Variants in KRAS observed in about 807,000 individuals in gnomAD.
The protein encoded by KRAS is GTPase KRas.
A neutral mutation model predicts 21.0 loss-of-function variants in KRAS; 1 was observed. The ratio of observed to expected loss-of-function variants is 0.05; its 90% CI spans 0.02 to 0.23. The LOEUF (loss-of-function observed/expected upper bound fraction) is 0.23, where lower values mean the gene tolerates loss of function less well. KRAS is among the 10% of genes least tolerant of loss of function. The pLI is 1.00. For synonymous variants in KRAS, 67 were observed against 72.5 expected, an observed-to-expected ratio of 0.92 and a Z score of 0.39; for missense variants, 107 against 221.8, an observed-to-expected ratio of 0.48 and a Z score of 3.29.
chr12:25,228,145 G>GAGC (rs1951416777), intron 2 of KRAS, among the ~76,000 whole-genome samples: 1 of 150,296 alleles, frequency 6.7e-6, no homozygotes, highest in Non-Finnish European at 1.5e-5. Context: ...ATGCTCACTG[G>GAGC]AGCATTTGAT....
intron 2 of KRAS, among the ~76,000 whole-genome samples, chr12:25,242,262 C>A (rs1191907705): frequency 6.6e-6 from 1 of 152,124 alleles, no homozygotes; most frequent in Non-Finnish European, 1.5e-5. Context: ...TATATTTATT[C>A]TTACTAGCAT....
chr12:25,206,995 G>C lies in KRAS; in HGVS notation c.*2800C>G, dbSNP rs1411961293. The C allele has an allele frequency of 2.4e-5, 5 of 206,686 alleles. No homozygotes were observed. The highest frequency in any genetic ancestry group is 3.9e-5 in the Non-Finnish European group (4 of 101,310). 12.8% of individuals were successfully genotyped at this position (206,686 alleles called of 1,614,324 possible). On this transcript the variant is annotated 3_prime_UTR_variant, in exon 5 of 5. Transcript: ENST00000311936. Reference sequence around the variant, plus strand: ...TGAAGTGATTTACATAAAGTAGCTTGATCGAAGAGTTTCAGTGGAATCGTA... The same window carrying C: ...TGAAGTGATTTACATAAAGTAGCTTCATCGAAGAGTTTCAGTGGAATCGTA...
Position 25,245,393 on chromosome 12 carries a change from G to A in KRAS, c.-9C>T, listed in dbSNP as rs370230526. On this transcript the variant is annotated splice_region_variant and 5_prime_UTR_variant, in exon 2 of 5. Coordinates refer to ENST00000311936, the MANE Select transcript of KRAS (RefSeq NM_004985.5). Reference sequence around the variant, plus strand: ...AGTTTATATTCAGTCATTTTCAGCAGGCCTTATAATAAAAATAATGAAAAT... The same window carrying A: ...AGTTTATATTCAGTCATTTTCAGCAAGCCTTATAATAAAAATAATGAAAAT... 96 of 1,603,660 alleles carry A rather than the reference G, an allele frequency of 6.0e-5. 1 individual carries two copies. The highest frequency in any genetic ancestry group is 2.6e-4 in the South Asian group (23 of 89,704).
intron 3 of KRAS, 106 bp from the exon 4 acceptor site, chr12:25,225,879 A>AATT: frequency 9.4e-7 from 1 of 1,061,412 alleles, no homozygotes; most frequent in African/African-American, 1.6e-5. Context: ...AAACAATGTA[A>AATT]TTCCTAGTTT....
chr12:25,250,531 T>C (rs1951753110), intron 1 of KRAS, among the ~76,000 whole-genome samples: 1 of 151,954 alleles, frequency 6.6e-6, no homozygotes, highest in South Asian at 2.1e-4. Flanking sequence ...CTCACCCTCC[T>C]CAGCCCCGCA....
intron 2 of KRAS, among the ~76,000 whole-genome samples, chr12:25,228,689 TGC>T (rs920371864): frequency 6.6e-6 from 1 of 152,166 alleles, no homozygotes; most frequent in Non-Finnish European, 1.5e-5. Flanking sequence ...AAACAGATAG[TGC>T]TAATGGTTAG....
At chr12:25,235,278 G>A (rs561849198) in intron 2 of KRAS, 24 of 507,700 alleles carry the variant, frequency 4.7e-5, no homozygotes, top group East Asian at 9.1e-5. Flanking sequence ...AGTACTTTAC[G>A]TTACTCTTCC....
At position 25,206,839 on chromosome 12, in the gene KRAS, CTG is replaced by C. The variant is rs1951143666; in HGVS notation, c.*2954_*2955del. 5.0e-6 allele frequency: 1 copy of C among 199,274 alleles called. No individual in the cohort carries two copies. Among genetic ancestry groups the C allele is most frequent in the African/African-American group, 2.3e-5 (1 of 43,416 alleles). The allele number at this position is 199,274 out of a possible 1,614,324, so 12.3% of individuals were successfully genotyped here. A position where few individuals can be genotyped will look rare whatever the true frequency, so the allele number is the denominator to read the frequency against. On this transcript the variant is annotated 3_prime_UTR_variant, in exon 5 of 5. Coordinates refer to ENST00000311936, the MANE Select transcript of KRAS (RefSeq NM_004985.5). The stretch of plus-strand genomic sequence containing the variant: ...ATTTTAATTACTTATGCAGAGAAAA[CTG>C]GAATATTACACATTTGGGTCAATAT...
intron 2 of KRAS, among the ~76,000 whole-genome samples, chr12:25,241,496 C>A (rs1951609562): frequency 6.6e-6 from 1 of 152,216 alleles, no homozygotes; most frequent in Non-Finnish European, 1.5e-5. Flanking sequence ...GCTAACATAT[C>A]ATTAACGTAC....
intron 4 of KRAS, 144 bp from the exon 5 acceptor site, chr12:25,210,055 G>C: frequency 1.8e-6 from 1 of 541,052 alleles, no homozygotes; most frequent in Non-Finnish European, 3.1e-6. Flanking sequence ...ACATATATTA[G>C]GACTTTTAGA....
chr12:25,241,402 AC>A (rs1235737921), intron 2 of KRAS, among the ~76,000 whole-genome samples: 2 of 152,218 alleles, frequency 1.3e-5, no homozygotes, highest in East Asian at 3.8e-4. Context: ...GGAGAGCTTC[AC>A]AGCCTTGAAG....
Position 25,217,443 on chromosome 12 carries a change from G to GT in KRAS, c.451-7533dup, listed in dbSNP as rs1363889528. 2.0e-5 allele frequency among the ~76,000 whole-genome samples: 3 copies of GT among 151,954 alleles called. No homozygotes were observed. The East Asian group carries it at 5.8e-4, about 29-fold the overall frequency. ...GTAACGTGATTATATGTTAAAATGC[G>GT]TATCTCAAGTCATTAACATATACTA... On this transcript the variant is annotated intron_variant, in intron 4 of 4. Transcript: ENST00000311936.
chr12:25,237,969 G>C (rs553621095), intron 2 of KRAS, among the ~76,000 whole-genome samples: 1 of 152,234 alleles, frequency 6.6e-6, no homozygotes, highest in Admixed American at 6.5e-5. Flanking sequence ...ACAAATCACA[G>C]GGAAGGATAG....
At chr12:25,231,076 G>T (rs1226475865) in intron 2 of KRAS, among the ~76,000 whole-genome samples, 1 of 143,714 alleles carries the variant, frequency 7.0e-6, no homozygotes, top group Non-Finnish European at 1.5e-5. Context: ...CCTACCTATT[G>T]CTGCCACCTC....
At chr12:25,233,708 C>T (rs1033404472) in intron 2 of KRAS, 5 of 210,776 alleles carry the variant, frequency 2.4e-5, no homozygotes, top group East Asian at 1.4e-4. Context: ...GCTTTAAACT[C>T]CGTGTTGGTA....
At chr12:25,219,111 G>T (rs1043211454) in intron 4 of KRAS, among the ~76,000 whole-genome samples, 2 of 151,742 alleles carry the variant, frequency 1.3e-5, no homozygotes, top group African/African-American at 2.4e-5. Context: ...GCTAATTTTT[G>T]TATTTTTAGT....
chr12:25,250,874 T>C lies in KRAS; in HGVS notation c.-135A>G. 1 of 242,814 alleles carries C rather than the reference T, an allele frequency of 4.1e-6. No individual in the cohort carries two copies. The allele number at this position is 242,814 out of a possible 1,614,324, so 15.0% of individuals were successfully genotyped here. ...AGTACTGGCCGAGCCGCCGCCACCTTCGCCGCCGCCACTGCCGCCGCCGCT... is the reference window on the plus strand; with the variant it reads ...AGTACTGGCCGAGCCGCCGCCACCTCCGCCGCCGCCACTGCCGCCGCCGCT... On this transcript the variant is annotated 5_prime_UTR_variant, in exon 1 of 5. Transcript: ENST00000311936.
chr12:25,236,687 G>C (rs946719490), intron 2 of KRAS, among the ~76,000 whole-genome samples: 3 of 151,998 alleles, frequency 2.0e-5, no homozygotes, highest in African/African-American at 7.3e-5. Context: ...ACTGGGAGAT[G>C]AGCTACGAAT....
intron 4 of KRAS, among the ~76,000 whole-genome samples, chr12:25,218,530 G>A (rs1951280500): frequency 6.6e-6 from 1 of 151,698 alleles, no homozygotes; most frequent in African/African-American, 2.4e-5. Flanking sequence ...TAACAGCACA[G>A]GGTGACTTTT....
Sources: allele counts gnomAD v4.1 joint callset (sites outside exome capture counted in the v4.1 genomes callset), GRCh38; gene constraint gnomAD v4.1.1; transcripts MANE v1.5; gene names NCBI Gene and HGNC (gene_info 2026-07-23, HGNC 2026-07-21).